Variants in PKHD1 observed in about 807,000 individuals in gnomAD.
The protein encoded by PKHD1 is PKHD1 ciliary IPT domain containing fibrocystin/polyductin, also known as fibrocystin.
PKHD1 carries 291 observed loss-of-function variants against 412.0 expected under a neutral mutation model. The observed-to-expected ratio is 0.71, with a 90% CI of 0.64 to 0.78. PKHD1 has a LOEUF of 0.78. Among genes scored for constraint, PKHD1 ranks in the 30% least tolerant of loss-of-function variants. The pLI is 0.00. For missense variants in PKHD1, 4,825 were observed against 4,950.7 expected, an observed-to-expected ratio of 0.97 and a Z score of 0.76; for synonymous variants, 1,777 against 1,821.5, an observed-to-expected ratio of 0.98 and a Z score of 0.62.
chr6:51,713,043 G>T (rs997975686), intron 60 of PKHD1, among the ~76,000 whole-genome samples: 25 of 152,070 alleles, frequency 1.6e-4, no homozygotes, highest in African/African-American at 6.0e-4. Flanking sequence ...GTATCTAGCA[G>T]GTTGTAAACA....
chr6:52,045,102 A>T lies in PKHD1; in HGVS notation c.2593-14T>A, dbSNP rs1449628064. ...TTCATCAGAGACCTGAGATGGTTAC[A>T]TTTCTGGTAAATTCTGTCATGGAAC... On this transcript the variant is annotated splice_polypyrimidine_tract_variant and intron_variant, in intron 24 of 66. Transcript: ENST00000371117. 1.2e-6 allele frequency: 2 copies of T among 1,612,848 alleles called. No homozygotes were observed. The highest frequency in any genetic ancestry group is 1.7e-6 in the Non-Finnish European group (2 of 1,179,064).
chr6:52,035,935 A>G (rs1412432857), intron 27 of PKHD1, among the ~76,000 whole-genome samples: 1 of 152,230 alleles, frequency 6.6e-6, no homozygotes, highest in African/African-American at 2.4e-5. Context: ...GAGAGGTAGC[A>G]CTGCATCCTG....
intron 37 of PKHD1, 135 bp from the exon 38 acceptor site, chr6:51,912,711 G>A (rs964671864): frequency 1.4e-6 from 1 of 712,612 alleles, no homozygotes; most frequent in South Asian, 1.6e-5. Context: ...CAAGCTTCAG[G>A]ATAGGTAAGC....
In PKHD1 at chr6:51,934,202, T is replaced by G. The variant is rs1787100423; in HGVS notation, c.6029A>C (p.Gln2010Pro). The change falls in exon 37 of 67, where the codon CAG (glutamine) becomes CCG (proline). Residue 2010 changes from glutamine to proline, a missense_variant. Transcript: ENST00000371117. ...GTAGGAACTCCCGTAGAGTGTGATC[T>G]GAGCTCTGCCTTGGAAGGGCTTGTC... The part of the protein sequence containing the change: ...SEDKPFQGRA[Q>P]ITLYGSSYST... The G allele has an allele frequency of 6.2e-7, 1 of 1,613,928 alleles. No individual in the cohort carries two copies.
chr6:51,885,796 G>T, intron 45 of PKHD1, 71 bp downstream of exon 45: 2 of 963,858 alleles, frequency 2.1e-6, no homozygotes, highest in Non-Finnish European at 1.6e-6. Flanking sequence ...ATAATGAATT[G>T]CTGTGAGAAA....
intron 52 of PKHD1, among the ~76,000 whole-genome samples, chr6:51,804,526 C>A (rs1183263818): frequency 1.4e-5 from 2 of 146,882 alleles, no homozygotes; most frequent in Non-Finnish European, 2.9e-5. Context: ...ATTGTGTGAA[C>A]CAAAGAGACA....
intron 28 of PKHD1, 95 bp from the exon 29 acceptor site, chr6:52,033,260 T>G: frequency 9.7e-7 from 1 of 1,031,994 alleles, no homozygotes; most frequent in Non-Finnish European, 1.5e-6. Context: ...GTTTTAAAAG[T>G]TAATTTTAAG....
Position 51,627,149 on chromosome 6 carries a change from G to C in PKHD1, c.11666-33C>G, listed in dbSNP as rs1015176572. The C allele has an allele frequency of 6.3e-6, 10 of 1,594,426 alleles. No homozygotes were observed. In the Middle Eastern group the frequency reaches 5.0e-4, roughly 79 times the overall value. ...AATGGAGAAGAAAAAGGATTTTTTT[G>C]TTCAGTTGTAAGTGGGACCATCAGC... On this transcript the variant is annotated intron_variant, in intron 65 of 66. Transcript: ENST00000371117.
At chr6:51,868,639 C>A (rs1423823761) in intron 47 of PKHD1, among the ~76,000 whole-genome samples, 1 of 151,474 alleles carries the variant, frequency 6.6e-6, no homozygotes, top group Non-Finnish European at 1.5e-5. Flanking sequence ...TACTAAGCAC[C>A]AAAGATGCTA....
chr6:51,742,757 A>G (rs184673933), intron 60 of PKHD1, among the ~76,000 whole-genome samples: 1 of 152,328 alleles, frequency 6.6e-6, no homozygotes, highest in African/African-American at 2.4e-5. Flanking sequence ...CAGTACATTA[A>G]CATAAGCAAT....
chr6:51,961,268 C>T lies in PKHD1; in HGVS notation c.5752-1242G>A, dbSNP rs151151771. 6.3e-3 allele frequency among the ~76,000 whole-genome samples: 958 copies of T among 152,242 alleles called. 7 individuals are homozygous for T. Among genetic ancestry groups the T allele is most frequent in the South Asian group, 0.026 (124 of 4,814 alleles). On this transcript the variant is annotated intron_variant, in intron 35 of 66. Coordinates refer to ENST00000371117, the MANE Select transcript of PKHD1 (RefSeq NM_138694.4). ...AATTGTGTTGCCAGAAGAGCCGTTA[C>T]GTTTTCCAGAAAAAGATACAAACCC...
intron 53 of PKHD1, among the ~76,000 whole-genome samples, chr6:51,780,759 G>A (rs4331984): frequency 0.59 from 89,139 of 151,972 alleles, 26,903 homozygotes; most frequent in East Asian, 0.83. Flanking sequence ...ATAAAAATAT[G>A]TTAAATGACT....
At chr6:51,741,259 A>T in intron 60 of PKHD1, 1 of 513,230 alleles carries the variant, frequency 1.9e-6, no homozygotes, top group East Asian at 5.5e-5. Context: ...TTCTATTTGT[A>T]AGGGATGCTT....
intron 53 of PKHD1, among the ~76,000 whole-genome samples, chr6:51,779,940 A>T (rs1368759729): frequency 1.3e-5 from 2 of 152,190 alleles, no homozygotes; most frequent in Non-Finnish European, 2.9e-5. Flanking sequence ...TCATATGATG[A>T]TGATAAAGCA....
chr6:52,032,151 C>T (rs973048905), intron 29 of PKHD1, among the ~76,000 whole-genome samples: 3 of 152,166 alleles, frequency 2.0e-5, no homozygotes, highest in African/African-American at 7.2e-5. Context: ...CTAAAGGACA[C>T]TTCTCTTTAT....
chr6:52,081,309 T>G (rs1223583453), intron 4 of PKHD1, among the ~76,000 whole-genome samples: 4 of 152,194 alleles, frequency 2.6e-5, no homozygotes, highest in African/African-American at 9.7e-5. Flanking sequence ...TAACCCAGTT[T>G]TAAAACCAAT....
chr6:52,020,330 A>G (rs1030146941), intron 33 of PKHD1, among the ~76,000 whole-genome samples: 1 of 152,242 alleles, frequency 6.6e-6, no homozygotes, highest in South Asian at 2.1e-4. Flanking sequence ...AGACTGCAGT[A>G]TAATTGTACA....
intron 55 of PKHD1, among the ~76,000 whole-genome samples, chr6:51,769,923 C>CT (rs1304161630): frequency 6.6e-6 from 1 of 150,922 alleles, no homozygotes; most frequent in African/African-American, 2.4e-5. Context: ...TTTATTATAC[C>CT]TTTTTTCTTG....
intron 33 of PKHD1, among the ~76,000 whole-genome samples, chr6:52,022,266 T>TA (rs1294386531): frequency 5.9e-5 from 9 of 152,180 alleles, no homozygotes; most frequent in African/African-American, 2.2e-4. Context: ...AAGAAATAAG[T>TA]AATTATGTGA....
Sources: gnomAD v4.1 joint callset for allele counts (sites outside exome capture counted in the v4.1 genomes callset) on GRCh38, gnomAD v4.1.1 for gene constraint, MANE v1.5 for transcripts, NCBI Gene and HGNC (gene_info 2026-07-23, HGNC 2026-07-21) for gene names.